The following HRAS variants were observed in gnomAD, a reference collection of about 807,000 sequenced individuals.
HRAS encodes HRas proto-oncogene, GTPase.
Under a neutral mutation model 19.8 loss-of-function variants are expected in HRAS, and 11 were observed. That is an observed-to-expected ratio of 0.55 (90% CI 0.35 to 0.92). The LOEUF is 0.92. Among genes scored for constraint, HRAS ranks in the 40% least tolerant of loss-of-function variants. HRAS has a pLI of 0.01. For missense variants in HRAS, 204 were observed against 255.9 expected, an observed-to-expected ratio of 0.80 and a Z score of 1.38; for synonymous variants, 149 against 105.5, an observed-to-expected ratio of 1.41 and a Z score of -2.52.
intron 1 of HRAS, chr11:535,118 G>A: frequency 6.6e-6 from 1 of 151,928 alleles, no homozygotes; most frequent in Admixed American, 6.5e-5. Context: ...CCCCGGGTGT[G>A]AGGGCGCCGG....
Position 535,497 on chromosome 11 carries a change from C to G in HRAS, c.-135G>C, listed in dbSNP as rs1417609991. On this transcript the variant is annotated 5_prime_UTR_variant, in exon 1 of 6. Coordinates refer to ENST00000311189, the MANE Select transcript of HRAS (RefSeq NM_005343.4). ...CGGGGGCGGGGGCGCGCGGTTCGCC[C>G]CGCGCATGGGCTCCGTCCGCGGCGG... 6.8e-6 allele frequency: 1 copy of G among 147,664 alleles called. No homozygotes were observed. Among genetic ancestry groups the G allele is most frequent in the African/African-American group, 2.4e-5 (1 of 40,914 alleles). The allele number at this position is 147,664 out of a possible 1,614,324, so 9.1% of individuals were successfully genotyped here.
intron 2 of HRAS, 26 bp from the exon 3 acceptor site, chr11:533,970 C>A: frequency 6.2e-7 from 1 of 1,605,428 alleles, no homozygotes. Flanking sequence ...GCTCAGGGAC[C>A]CCCTCAGGAC....
At chr11:532,593 C>A in intron 5 of HRAS, 38 bp downstream of exon 5, 1 of 1,595,422 alleles carries the variant, frequency 6.3e-7, no homozygotes, top group East Asian at 2.3e-5. Flanking sequence ...CCGGGGTCAT[C>A]CGGTGGGCGT....
intron 1 of HRAS, 35 bp from the exon 2 acceptor site, chr11:534,410 CCCAGCCCCAG>C: frequency 6.0e-6 from 3 of 499,460 alleles, no homozygotes; most frequent in Non-Finnish European, 9.3e-6. Flanking sequence ...CAGGCCCAGG[CCCAGCCCCAG>C]GCCCCACAGG....
chr11:533,204 C>G (rs968782289), intron 4 of HRAS: 13 of 1,341,554 alleles, frequency 9.7e-6, no homozygotes, highest in Admixed American at 6.3e-5. Context: ...CTGTGTCGGC[C>G]CAGGACTGCA....
rs1053376922 is a variant in HRAS, at chr11:533,585, C to T, written c.318G>A (p.Ser106=). Reference sequence around the variant, plus strand: ...CCACCAGCACCATGGGCACGTCATCCGAGTCCTTCACCCGTTTGATCTGCT... The same window carrying T: ...CCACCAGCACCATGGGCACGTCATCTGAGTCCTTCACCCGTTTGATCTGCT... The part of the protein sequence containing the change: ...YREQIKRVKD[S]DDVPMVLVGN... The change falls in exon 4 of 6, where the codon TCG becomes TCA. Residue 106 remains serine (S), a synonymous_variant. Transcript: ENST00000311189. The T allele has an allele frequency of 5.6e-6, 9 of 1,613,730 alleles. No homozygotes were observed. The African/African-American group carries it at 8.0e-5, about 14-fold the overall frequency.
rs761554824 is a variant in HRAS at position 533,659 on chromosome 11, C to T, written c.291-47G>A. The T allele has an allele frequency of 3.1e-6, 5 of 1,612,600 alleles. No individual in the cohort carries two copies. In the South Asian group the frequency reaches 3.3e-5, roughly 11 times the overall value. On this transcript the variant is annotated intron_variant, in intron 3 of 5. Transcript: ENST00000311189. ...CTGGCTACGGGGGCTGCAGGCGCAG[C>T]GGCATCCAGGACATGCGCAGAGAGG...
intron 1 of HRAS, 124 bp downstream of exon 1, chr11:535,289 CCCG>C (rs113931482): frequency 0.012 from 1,709 of 141,270 alleles, 21 homozygotes; most frequent in African/African-American, 0.034. Flanking sequence ...GCCCCACCCA[CCCG>C]CCGCCGCCGC....
At position 532,285 on chromosome 11, in the gene HRAS, C is replaced by T. The variant is rs1474214180; in HGVS notation, c.*243G>A. The T allele has an allele frequency of 4.7e-5, 22 of 468,060 alleles. No individual in the cohort carries two copies. Among genetic ancestry groups the T allele is most frequent in the African/African-American group, 3.9e-5 (2 of 51,858 alleles). 29.0% of individuals were successfully genotyped at this position (468,060 alleles called of 1,614,324 possible). A position where few individuals can be genotyped will look rare whatever the true frequency, so the allele number is the denominator to read the frequency against. Reference sequence around the variant, plus strand: ...TTACTGTGATCCCATCTGTGCCCGACAAGGGCCCACAGAGGCCTGGGAGGG... The same window carrying T: ...TTACTGTGATCCCATCTGTGCCCGATAAGGGCCCACAGAGGCCTGGGAGGG... On this transcript the variant is annotated 3_prime_UTR_variant, in exon 6 of 6. Coordinates refer to ENST00000311189, the MANE Select transcript of HRAS (RefSeq NM_005343.4).
Position 534,285 on chromosome 11 carries a change from C to G in HRAS, c.38G>C (p.Gly13Ala), listed in dbSNP as rs104894226. ...GATGGTCAGCGCACTCTTGCCCACA[C>G]CGCCGGCGCCCACCACCACCAGCTT... ...EYKLVVVGAG[G>A]VGKSALTIQL... is the part of the protein sequence containing the mutation. Residue 13 changes from glycine to alanine, a missense_variant, in exon 2 of 6, where the codon GGT becomes GCT. This residue lies in a region of HRAS where 10 missense variants were observed against 18.0 expected (regional missense o/e 0.56). Transcript: ENST00000311189. The G allele has an allele frequency of 6.2e-7, 1 of 1,613,404 alleles. No homozygotes were observed. Among genetic ancestry groups the G allele is most frequent in the Non-Finnish European group, 8.5e-7 (1 of 1,179,900 alleles).
Position 532,622 on chromosome 11 carries a change from C to G in HRAS, c.*5+9G>C, listed in dbSNP as rs919648299. ...TGGGCGTGGCGGCCGCCCTGGGAGT[C>G]CCCCTCACCTGCGTCAGGAGAGCAC... On this transcript the variant is annotated intron_variant, in intron 5 of 5. Coordinates refer to ENST00000311189, the MANE Select transcript of HRAS (RefSeq NM_005343.4). 2 of 1,608,694 alleles carry G rather than the reference C, an allele frequency of 1.2e-6. No individual in the cohort carries two copies. Among genetic ancestry groups the G allele is most frequent in the South Asian group, 2.2e-5 (2 of 91,006 alleles).
chr11:532,858 C>T (rs1851191666), intron 4 of HRAS, 103 bp from the exon 5 acceptor site: 4 of 1,169,366 alleles, frequency 3.4e-6, no homozygotes, highest in South Asian at 1.3e-5. Context: ...CCGAAGCTCC[C>T]GACTCCACCA....
intron 1 of HRAS, among the ~76,000 whole-genome samples, chr11:534,905 C>T (rs1204836444): frequency 2.0e-5 from 3 of 152,214 alleles, no homozygotes; most frequent in Non-Finnish European, 2.9e-5. Flanking sequence ...CCGGGGGCAT[C>T]TTTCAGCCAC....
rs1163968308 is a variant in HRAS at position 533,563 on chromosome 11, C to A, written c.340G>T (p.Val114Leu). The A allele has an allele frequency of 1.9e-6, 3 of 1,613,922 alleles. No homozygotes were observed. ...GCAGCCAGGTCACACTTGTTCCCCACCAGCACCATGGGCACGTCATCCGAG... is the reference window on the plus strand; with the variant it reads ...GCAGCCAGGTCACACTTGTTCCCCAACAGCACCATGGGCACGTCATCCGAG... Reference protein sequence around the residue: ...KDSDDVPMVLVGNKCDLAART... With the variant: ...KDSDDVPMVLLGNKCDLAART... The change falls in exon 4 of 6, where the codon GTG (valine) becomes TTG (leucine). Residue 114 changes from valine (V) to leucine (L), a missense_variant. Coordinates refer to ENST00000311189, the MANE Select transcript of HRAS (RefSeq NM_005343.4).
intron 1 of HRAS, chr11:534,643 A>C: frequency 2.2e-6 from 1 of 451,362 alleles, no homozygotes; most frequent in Non-Finnish European, 4.1e-6. Context: ...GCTCTCAACC[A>C]CGCACCCAAA....
At chr11:534,098 G>T in intron 2 of HRAS, 114 bp downstream of exon 2, 1 of 1,168,170 alleles carries the variant, frequency 8.6e-7, no homozygotes, top group Admixed American at 1.8e-5. Flanking sequence ...GGAAGCAGGA[G>T]ACAGGGCCAC....
intron 1 of HRAS, among the ~76,000 whole-genome samples, chr11:535,103 G>C (rs1383668620): frequency 6.6e-6 from 1 of 151,904 alleles, no homozygotes; most frequent in East Asian, 1.9e-4. Flanking sequence ...CCTCCTCCCA[G>C]ACGCCCCCGG....
chr11:533,689 G>T (rs2133988854), intron 3 of HRAS, 77 bp from the exon 4 acceptor site: 1 of 1,611,624 alleles, frequency 6.2e-7, no homozygotes. Context: ...GAGAGGACAG[G>T]AGGCCCCTGC....
rs1461319720 is a variant in HRAS at position 532,714 on chromosome 11, C to T, written c.492G>A (p.Arg164=). The T allele has an allele frequency of 1.2e-5, 19 of 1,613,068 alleles. No homozygotes were observed. The highest frequency in any genetic ancestry group is 1.4e-5 in the Non-Finnish European group (16 of 1,180,018). The change falls in exon 5 of 6, where the codon CGG becomes CGA. Residue 164 remains arginine (R), a synonymous_variant. Coordinates refer to ENST00000311189, the MANE Select transcript of HRAS (RefSeq NM_005343.4). ...GGTTCAGCTTCCGCAGCTTGTGCTG[C>T]CGGATCTCACGCACCAACGTGTAGA... ...DAFYTLVREI[R]QHKLRKLNPP...
Sources: allele counts gnomAD v4.1 joint callset (sites outside exome capture counted in the v4.1 genomes callset), GRCh38; gene constraint gnomAD v4.1.1; regional missense constraint gnomAD v4.1.1; transcripts MANE v1.5; gene names NCBI Gene and HGNC (gene_info 2026-07-23, HGNC 2026-07-21).